The following ITGB2 variants were observed in gnomAD, a reference collection of about 807,000 sequenced individuals.
ITGB2 encodes integrin subunit beta 2.
ITGB2 carries 56 observed loss-of-function variants against 86.8 expected under a neutral mutation model. The observed-to-expected ratio is 0.65, with a 90% CI of 0.52 to 0.81. The LOEUF is 0.81. Ranked by LOEUF, ITGB2 falls within the 30% of genes least tolerant of loss-of-function variation. The pLI is 0.00. For missense variants in ITGB2, 948 were observed against 1,061.2 expected, an observed-to-expected ratio of 0.89 and a Z score of 1.48; for synonymous variants, 457 against 450.4, an observed-to-expected ratio of 1.01 and a Z score of -0.19.
chr21:44,893,342 C>T, intron 10 of ITGB2, 62 bp downstream of exon 10: 1 of 1,601,272 alleles, frequency 6.2e-7, no homozygotes, highest in Non-Finnish European at 8.5e-7. Flanking sequence ...ACCCTGGCTC[C>T]TTCTGGCTGT....
chr21:44,924,266 C>T (rs1305607523), upstream of ITGB2, among the ~76,000 whole-genome samples: 2 of 151,686 alleles, frequency 1.3e-5, no homozygotes, highest in Admixed American at 6.6e-5. Context: ...CCTGTCTCTA[C>T]TAAAAATACA....
At chr21:44,923,176 C>T (rs2084330759), upstream of ITGB2, among the ~76,000 whole-genome samples, 1 of 152,090 alleles carries the variant, frequency 6.6e-6, no homozygotes, top group African/African-American at 2.4e-5. Context: ...TAGATGACAT[C>T]GTAGGGATGC....
intron 5 of ITGB2, among the ~76,000 whole-genome samples, chr21:44,902,764 G>A (rs189498130): frequency 7.2e-5 from 11 of 151,926 alleles, no homozygotes; most frequent in East Asian, 3.9e-4. Flanking sequence ...GTGCATGAGC[G>A]TGCATTTGTG....
intron 4 of ITGB2, among the ~76,000 whole-genome samples, chr21:44,905,069 C>A (rs1225768160): frequency 6.6e-6 from 1 of 152,236 alleles, no homozygotes; most frequent in Non-Finnish European, 1.5e-5. Flanking sequence ...AAGACCATGT[C>A]CCCACGAGCA....
At chr21:44,899,032 C>G (rs775342684) in intron 8 of ITGB2, 35 bp downstream of exon 8, 3 of 1,524,972 alleles carry the variant, frequency 2.0e-6, no homozygotes, top group Admixed American at 1.7e-5. Context: ...AACATGCCCC[C>G]ACCCAATGGA....
At chr21:44,893,778 G>A (rs1015665644) in intron 9 of ITGB2, 11 of 538,146 alleles carry the variant, frequency 2.0e-5, no homozygotes, top group African/African-American at 1.3e-4. Context: ...CAGGGTGTGA[G>A]CCTCAGGGGT....
chr21:44,888,823 C>G lies in ITGB2; in HGVS notation c.1950G>C (p.Leu650=). ...GKNCSAACPG[L]QLSNNPVKGR... is the part of the protein sequence containing the mutation. ...CCTTCACGGGGTTGTTCGACAGCTG[C>G]AGGCCCGGACACGCCGCGCTGCAGT... The change falls in exon 14 of 16, where the codon CTG becomes CTC. Residue 650 remains leucine (L), a synonymous_variant. Transcript: ENST00000652462. 1 of 1,611,264 alleles carries G rather than the reference C, an allele frequency of 6.2e-7. No homozygotes were observed. Among genetic ancestry groups the G allele is most frequent in the Non-Finnish European group, 8.5e-7 (1 of 1,179,978 alleles).
intron 2 of ITGB2, 122 bp downstream of exon 2, chr21:44,910,603 C>A (rs1415822523): frequency 1.4e-6 from 2 of 1,387,890 alleles, no homozygotes; most frequent in South Asian, 2.5e-5. Flanking sequence ...GACCTACCCC[C>A]AGTGGCAAGG....
chr21:44,893,468 C>A lies in ITGB2; in HGVS notation c.1160G>T (p.Ser387Ile), dbSNP rs1452922289. ...TLKVTYDSFCSNGVTHRNQPR... is the reference protein window; with the variant it reads ...TLKVTYDSFCINGVTHRNQPR... ...CTGGTTCCTGTGCGTCACTCCATTG[C>A]TGCAGAAGGAGTCGTAGGTGACTTT... The change falls in exon 10 of 16, where the codon AGC (serine) becomes ATC (isoleucine). Residue 387 changes from serine (S) to isoleucine (I), a missense_variant. Transcript: ENST00000652462. 1.2e-6 allele frequency: 2 copies of A among 1,614,166 alleles called. No homozygotes were observed. The highest frequency in any genetic ancestry group is 1.7e-6 in the Non-Finnish European group (2 of 1,179,992).
chr21:44,893,914 GCAGAGC>G (rs1378797972), intron 9 of ITGB2: 3 of 346,752 alleles, frequency 8.7e-6, no homozygotes, highest in South Asian at 2.3e-5. Flanking sequence ...ACAGAGATGG[GCAGAGC>G]CAGAGCCAGA....
intron 8 of ITGB2, among the ~76,000 whole-genome samples, chr21:44,895,705 G>A (rs1338426972): frequency 1.3e-5 from 2 of 151,694 alleles, no homozygotes; most frequent in Non-Finnish European, 2.9e-5. Context: ...GCTGGGCGTG[G>A]TGGTGGGCAC....
chr21:44,909,950 C>G (rs879881467), intron 3 of ITGB2, among the ~76,000 whole-genome samples: 1 of 152,206 alleles, frequency 6.6e-6, no homozygotes, highest in South Asian at 2.1e-4. Flanking sequence ...CAGAAGCGCG[C>G]GTGTTTCTGC....
chr21:44,895,841 A>AAAATG lies in ITGB2; in HGVS notation c.994-786_994-782dup, dbSNP rs71199643. Among the ~76,000 whole-genome samples, 495 of 129,334 alleles carry AAAATG rather than the reference A, an allele frequency of 3.8e-3. 6 individuals carry two copies. Among genetic ancestry groups the AAAATG allele is most frequent in the East Asian group, 0.016 (76 of 4,872 alleles). The allele number at this position is 129,334 out of a possible 152,430, so 84.8% of individuals were successfully genotyped here. On this transcript the variant is annotated intron_variant, in intron 8 of 15. Coordinates refer to ENST00000652462, the MANE Select transcript of ITGB2 (RefSeq NM_000211.5). The stretch of plus-strand genomic sequence containing the variant: ...GAGCAAAACTCTGTCTCAATAAAAT[A>AAAATG]AAATGAAATGAAATGAAATGAAATG...
intron 6 of ITGB2, 122 bp downstream of exon 6, chr21:44,901,370 G>T: frequency 7.8e-7 from 1 of 1,281,728 alleles, no homozygotes; most frequent in Non-Finnish European, 1.1e-6. Flanking sequence ...CTCTCCCCAG[G>T]CCCAGGCTGG....
chr21:44,913,772 C>G (rs2084165467), intron 1 of ITGB2, among the ~76,000 whole-genome samples: 1 of 152,212 alleles, frequency 6.6e-6, no homozygotes, highest in South Asian at 2.1e-4. Context: ...CACCTGAGGC[C>G]TGAGAGACCA....
At chr21:44,900,521 A>T (rs776929545) in intron 6 of ITGB2, 46 bp from the exon 7 acceptor site, 1 of 1,610,006 alleles carries the variant, frequency 6.2e-7, no homozygotes, top group Non-Finnish European at 8.5e-7. Flanking sequence ...TCAGTTTCCC[A>T]GACCCGGCCC....
chr21:44,899,715 C>A (rs904557871), intron 7 of ITGB2, among the ~76,000 whole-genome samples: 5 of 152,220 alleles, frequency 3.3e-5, no homozygotes, highest in African/African-American at 1.2e-4. Flanking sequence ...ACGGCTGATC[C>A]CAGCCAGAAG....
At position 44,901,617 on chromosome 21, in the gene ITGB2, GC is replaced by G; in HGVS notation, c.615del (p.Arg205SerfsTer4). 6.2e-7 allele frequency: 1 copy of G among 1,614,264 alleles called. No homozygotes were observed. The highest frequency in any genetic ancestry group is 8.5e-7 in the Non-Finnish European group (1 of 1,180,040). ...GAGTTGTTGGTCAGCTTCAGCACGT[GC>G]CTGAAGGCAAACGGGGGCTGGCACT... is the stretch of plus-strand genomic sequence containing the variant. ...EKECQPPFAF[R>X]HVLKLTNNSN... On this transcript the variant is annotated frameshift_variant, in exon 6 of 16. Coordinates refer to ENST00000652462, the MANE Select transcript of ITGB2 (RefSeq NM_000211.5). LOFTEE classifies it high-confidence loss of function.
intron 8 of ITGB2, among the ~76,000 whole-genome samples, chr21:44,895,881 AATAAAT>A (rs2083859630): frequency 4.7e-5 from 6 of 128,376 alleles, no homozygotes; most frequent in African/African-American, 1.7e-4. Flanking sequence ...GAAATAAAAA[AATAAAT>A]AAAATAAAAT....
Sources: gnomAD v4.1 joint callset for allele counts (sites outside exome capture counted in the v4.1 genomes callset) on GRCh38, gnomAD v4.1.1 for gene constraint, MANE v1.5 for transcripts, NCBI Gene and HGNC (gene_info 2026-07-23, HGNC 2026-07-21) for gene names.